The following CLSTN2 variants were observed in gnomAD, a reference collection of about 807,000 sequenced individuals.
The protein encoded by CLSTN2 is calsyntenin 2.
CLSTN2 carries 48 observed loss-of-function variants against 101.2 expected under a neutral mutation model. The ratio of observed to expected loss-of-function variants is 0.47; its 90% CI spans 0.38 to 0.60. The LOEUF is 0.60. CLSTN2 is among the 20% of genes least tolerant of loss of function. The pLI is 0.00. For synonymous variants in CLSTN2, 481 were observed against 463.6 expected (o/e 1.04, Z -0.48); for missense variants, 1,160 against 1,238.2 (o/e 0.94, Z 0.95).
intron 2 of CLSTN2, among the ~76,000 whole-genome samples, chr3:140,260,223 A>G (rs1049109112): frequency 6.0e-5 from 9 of 151,234 alleles, no homozygotes; most frequent in Non-Finnish European, 1.0e-4. Flanking sequence ...TTCTTGCCAT[A>G]TTACACTATC....
intron 2 of CLSTN2, among the ~76,000 whole-genome samples, chr3:140,401,584 T>A (rs1195272048): frequency 1.3e-4 from 20 of 152,230 alleles, no homozygotes; most frequent in Admixed American, 1.3e-3. Context: ...TACTTAGTTG[T>A]GATCAGATCT....
chr3:140,334,072 G>A (rs916288760), intron 2 of CLSTN2, among the ~76,000 whole-genome samples: 1 of 152,164 alleles, frequency 6.6e-6, no homozygotes, highest in African/African-American at 2.4e-5. Flanking sequence ...AGCCTTCCAT[G>A]CGACCTTGGA....
intron 4 of CLSTN2, among the ~76,000 whole-genome samples, chr3:140,415,005 A>G (rs2088412155): frequency 6.6e-6 from 1 of 152,148 alleles, no homozygotes; most frequent in Non-Finnish European, 1.5e-5. Context: ...CCAATGGAGC[A>G]GAATAGAGAA....
intron 2 of CLSTN2, among the ~76,000 whole-genome samples, chr3:140,228,741 T>G (rs1237513034): frequency 6.6e-6 from 1 of 152,208 alleles, no homozygotes; most frequent in Non-Finnish European, 1.5e-5. Context: ...AGTCATGTCT[T>G]ACATGGATGG....
chr3:140,393,068 G>A (rs2088136550), intron 2 of CLSTN2, among the ~76,000 whole-genome samples: 1 of 152,046 alleles, frequency 6.6e-6, no homozygotes, highest in South Asian at 2.1e-4. Flanking sequence ...CCATGAATTA[G>A]CAGAGCCCTC....
intron 1 of CLSTN2, among the ~76,000 whole-genome samples, chr3:139,949,221 T>C (rs1207023626): frequency 6.6e-6 from 1 of 152,150 alleles, no homozygotes; most frequent in Non-Finnish European, 1.5e-5. Flanking sequence ...CTCACTAGAT[T>C]GCGTTCCTTC....
At chr3:139,953,161 C>A (rs1238773916) in intron 1 of CLSTN2, among the ~76,000 whole-genome samples, 3 of 152,084 alleles carry the variant, frequency 2.0e-5, no homozygotes, top group Admixed American at 6.6e-5. Context: ...CTAGGAAATG[C>A]CTTTCATCAG....
chr3:140,485,358 C>T lies in CLSTN2; in HGVS notation c.1344+18627C>T, dbSNP rs533762847. Reference sequence around the variant, plus strand: ...GTACCCAGCCGTGTGAGGTGTCAGTCGGCCCCTACTAGGGGGTGCCTCCCA... The same window carrying T: ...GTACCCAGCCGTGTGAGGTGTCAGTTGGCCCCTACTAGGGGGTGCCTCCCA... On this transcript the variant is annotated intron_variant, in intron 8 of 16. Coordinates refer to ENST00000458420, the MANE Select transcript of CLSTN2 (RefSeq NM_022131.3). Among the ~76,000 whole-genome samples the T allele has an allele frequency of 5.0e-3, 762 of 152,326 alleles. 4 individuals are homozygous for T. The highest frequency in any genetic ancestry group is 8.7e-3 in the South Asian group (42 of 4,822).
At chr3:140,542,458 A>T (rs1286676438) in intron 9 of CLSTN2, among the ~76,000 whole-genome samples, 1 of 151,964 alleles carries the variant, frequency 6.6e-6, no homozygotes, top group African/African-American at 2.4e-5. Flanking sequence ...ATTCATAAGC[A>T]TGTTTATGTC....
intron 1 of CLSTN2, among the ~76,000 whole-genome samples, chr3:139,989,132 G>A (rs552953400): frequency 6.6e-6 from 1 of 152,282 alleles, no homozygotes; most frequent in East Asian, 1.9e-4. Flanking sequence ...GCAAAAAATG[G>A]TCAAGCTGGG....
intron 1 of CLSTN2, among the ~76,000 whole-genome samples, chr3:139,968,143 A>G (rs1935636977): frequency 6.6e-6 from 1 of 152,178 alleles, no homozygotes; most frequent in South Asian, 2.1e-4. Context: ...TGAACACATA[A>G]AGTGTCCTTC....
intron 2 of CLSTN2, among the ~76,000 whole-genome samples, chr3:140,320,414 G>C (rs922404459): frequency 6.6e-6 from 1 of 152,256 alleles, no homozygotes; most frequent in East Asian, 1.9e-4. Flanking sequence ...TGAGCGATAG[G>C]ACTAATAAGG....
At chr3:140,192,706 A>AT (rs897389731) in intron 2 of CLSTN2, among the ~76,000 whole-genome samples, 3 of 151,580 alleles carry the variant, frequency 2.0e-5, no homozygotes, top group African/African-American at 7.2e-5. Context: ...GTTGAAGTAA[A>AT]TTTTTTGTTA....
At chr3:140,256,011 T>C (rs1199376040) in intron 2 of CLSTN2, among the ~76,000 whole-genome samples, 1 of 152,234 alleles carries the variant, frequency 6.6e-6, no homozygotes, top group Non-Finnish European at 1.5e-5. Context: ...TTTTTGTGTG[T>C]ATAAGCCACG....
At chr3:140,310,031 A>G (rs952870951) in intron 2 of CLSTN2, among the ~76,000 whole-genome samples, 1 of 152,022 alleles carries the variant, frequency 6.6e-6, no homozygotes, top group Non-Finnish European at 1.5e-5. Flanking sequence ...AGATCTGGTC[A>G]TGGGGTTCTA....
chr3:140,478,249 A>G (rs1934030183), intron 8 of CLSTN2, among the ~76,000 whole-genome samples: 1 of 151,788 alleles, frequency 6.6e-6, no homozygotes, highest in Non-Finnish European at 1.5e-5. Context: ...CTGATGTTCT[A>G]CACTGTGGTT....
At chr3:140,192,155 T>G (rs2107836839) in intron 2 of CLSTN2, among the ~76,000 whole-genome samples, 1 of 152,054 alleles carries the variant, frequency 6.6e-6, no homozygotes, top group African/African-American at 2.4e-5. Context: ...TATTATTGAT[T>G]TCTAGTTTAA....
intron 2 of CLSTN2, among the ~76,000 whole-genome samples, chr3:140,353,326 G>C (rs1027550568): frequency 6.6e-6 from 1 of 152,014 alleles, no homozygotes; most frequent in African/African-American, 2.4e-5. Context: ...TGCAGGCTGA[G>C]AAGCAAGGAA....
intron 2 of CLSTN2, among the ~76,000 whole-genome samples, chr3:140,395,528 C>T (rs79583559): frequency 0.057 from 8,729 of 152,174 alleles, 580 homozygotes; most frequent in African/African-American, 0.16. Flanking sequence ...AGGGCCTGTC[C>T]GAGTATCCCC....
Sources: gnomAD v4.1 joint callset for allele counts (sites outside exome capture counted in the v4.1 genomes callset) on GRCh38, gnomAD v4.1.1 for gene constraint, MANE v1.5 for transcripts, NCBI Gene and HGNC (gene_info 2026-07-23, HGNC 2026-07-21) for gene names.